AHNAK: variants seen among roughly 807,000 people sequenced by gnomAD.
The protein encoded by AHNAK is neuroblast differentiation-associated protein AHNAK.
AHNAK carries 23 observed loss-of-function variants against 37.8 expected under a neutral mutation model. The observed-to-expected ratio is 0.61, with a 90% CI of 0.44 to 0.86. The LOEUF (loss-of-function observed/expected upper bound fraction) is 0.86. Among genes scored for constraint, AHNAK ranks in the 40% least tolerant of loss-of-function variants. AHNAK has a pLI of 0.00. For synonymous variants in AHNAK, 2,481 were observed against 2,636.3 expected (o/e 0.94, Z 1.80); for missense variants, 7,411 against 7,319.4 (o/e 1.01, Z -0.46).
At chr11:62,513,665 C>T (rs1229744570), downstream of AHNAK, among the ~76,000 whole-genome samples, 1 of 152,178 alleles carries the variant, frequency 6.6e-6, no homozygotes, top group Non-Finnish European at 1.5e-5. Flanking sequence ...CCACATAAGC[C>T]CGTGTCTCCT....
At chr11:62,436,772 C>A (rs1308991903) in intron 5 of AHNAK, among the ~76,000 whole-genome samples, 1 of 151,442 alleles carries the variant, frequency 6.6e-6, no homozygotes, top group Non-Finnish European at 1.5e-5. Flanking sequence ...CAGTCTCTAC[C>A]AAAAATACAA....
At position 62,522,520 on chromosome 11, in the gene AHNAK, G is replaced by T. The variant is rs752300014; in HGVS notation, c.11897C>A (p.Pro3966His). The stretch of plus-strand genomic sequence containing the variant: ...ATCTGGAACATCAACGTCCACCTTG[G>T]GTCCTGAGACGTCAAGGTCAGCCTT... Reference protein sequence around the residue: ...LPKADLDVSGPKVDVDVPDVN... With the variant: ...LPKADLDVSGHKVDVDVPDVN... The change falls in exon 5 of 5, where the codon CCC becomes CAC. Residue 3966 changes from proline (P) to histidine (H), a missense_variant. Physicochemically the swap from Pro to His is moderately conservative, Grantham distance 77. Transcript: ENST00000378024. The T allele has an allele frequency of 4.3e-6, 7 of 1,613,576 alleles. No homozygotes were observed. Among genetic ancestry groups the T allele is most frequent in the African/African-American group, 4.0e-5 (3 of 74,712 alleles).
At chr11:62,476,716 C>A (rs889908308) in intron 5 of AHNAK, among the ~76,000 whole-genome samples, 1 of 152,072 alleles carries the variant, frequency 6.6e-6, no homozygotes, top group South Asian at 2.1e-4. Flanking sequence ...CAGATTGTGA[C>A]GTGAGACAAA....
Position 62,516,947 on chromosome 11 carries a change from T to C in AHNAK, c.17470A>G (p.Thr5824Ala). Residue 5824 changes from threonine to alanine, a missense_variant, in exon 5 of 5, where the codon ACC becomes GCC. By Grantham distance (58) the Thr-to-Ala change is moderately conservative. Coordinates refer to ENST00000378024, the MANE Select transcript of AHNAK (RefSeq NM_001620.3). ...KGKHGKLKFG[T>A]FGGLGSKSKG... ...CTCTTTGACCCCAATCCACCAAAGG[T>C]ACCGAATTTCAGCTTCCCGTGTTTC... 1.2e-6 allele frequency: 2 copies of C among 1,614,136 alleles called. No individual in the cohort carries two copies. The highest frequency in any genetic ancestry group is 1.1e-5 in the South Asian group (1 of 91,084).
chr11:62,519,516 C>T lies in AHNAK; in HGVS notation c.14901G>A (p.Gly4967=), dbSNP rs141000457. 23 of 1,612,998 alleles carry T rather than the reference C, an allele frequency of 1.4e-5. No individual in the cohort carries two copies. The African/African-American group carries it at 2.5e-4, about 18-fold the overall frequency. The change falls in exon 5 of 5, where the codon GGG becomes GGA. Residue 4967 remains glycine, a synonymous_variant. Transcript: ENST00000378024. Reference sequence around the variant, plus strand: ...TAAATTTGGGGATTTTAACATCTGGCCCTTCGATGTTAATATCTGGGCTGT... The same window carrying T: ...TAAATTTGGGGATTTTAACATCTGGTCCTTCGATGTTAATATCTGGGCTGT... ...HMDSPDINIE[G]PDVKIPKFKK...
intron 4 of AHNAK, among the ~76,000 whole-genome samples, chr11:62,495,737 CAAA>C (rs1156362722): frequency 3.0e-5 from 2 of 67,534 alleles, no homozygotes; most frequent in Non-Finnish European, 3.0e-5. Flanking sequence ...GACTCCGTCT[CAAA>C]AAAAAAAAAA....
intron 4 of AHNAK, among the ~76,000 whole-genome samples, chr11:62,497,868 G>A (rs745631514): frequency 1.3e-5 from 2 of 152,080 alleles, no homozygotes; most frequent in Non-Finnish European, 2.9e-5. Context: ...GGAGGCTGAG[G>A]CAGGAGAATC....
chr11:62,433,878 C>A (rs769746556), exon 6 of AHNAK: 6 of 1,613,734 alleles, frequency 3.7e-6, no homozygotes, highest in Non-Finnish European at 1.7e-6. Flanking sequence ...TTCTTCCTGG[C>A]CGCTTCTACA....
rs1241110947 is a variant in AHNAK at position 62,516,501 on chromosome 11, C to G, written c.*243G>C. 7.3e-7 allele frequency: 1 copy of G among 1,378,186 alleles called. No individual in the cohort carries two copies. The highest frequency in any genetic ancestry group is 9.4e-7 in the Non-Finnish European group (1 of 1,068,374). The allele number at this position is 1,378,186 out of a possible 1,614,324, so 85.4% of individuals were successfully genotyped here. A position where few individuals can be genotyped will look rare whatever the true frequency, so the allele number is the denominator to read the frequency against. The stretch of plus-strand genomic sequence containing the variant: ...GCAAAAAAATATATATATATGAAAT[C>G]TTAAGGCAAATACTGTTGACTTTGC... On this transcript the variant is annotated 3_prime_UTR_variant, in exon 5 of 5. Transcript: ENST00000378024.
intron 1 of AHNAK, among the ~76,000 whole-genome samples, chr11:62,546,426 T>C (rs1032954555): frequency 1.4e-4 from 22 of 152,240 alleles, no homozygotes; most frequent in African/African-American, 4.1e-4. Context: ...GCAAAGCACT[T>C]CGGAGCGATT....
chr11:62,529,331 T>A lies in AHNAK; in HGVS notation c.5086A>T (p.Ile1696Phe). 1 of 1,614,104 alleles carries A rather than the reference T, an allele frequency of 6.2e-7. No individual in the cohort carries two copies. The highest frequency in any genetic ancestry group is 8.5e-7 in the Non-Finnish European group (1 of 1,180,026). Reference protein sequence around the residue: ...DVDIKGPKVDIDAPDVEVHDP... With the variant: ...DVDIKGPKVDFDAPDVEVHDP... ...TGAACCTCCACATCTGGGGCATCAA[T>A]GTCCACTTTGGGCCCTTTAATGTCA... Residue 1696 changes from isoleucine (I) to phenylalanine (F), a missense_variant, in exon 5 of 5, where the codon ATT becomes TTT. Physicochemically the swap from Ile to Phe is conservative, Grantham distance 21. Transcript: ENST00000378024.
At position 62,516,769 on chromosome 11, in the gene AHNAK, A is replaced by G. The variant is rs752722730; in HGVS notation, c.17648T>C (p.Leu5883Pro). The G allele has an allele frequency of 6.2e-7, 1 of 1,612,370 alleles. No individual in the cohort carries two copies. The highest frequency in any genetic ancestry group is 8.5e-7 in the Non-Finnish European group (1 of 1,179,334). ...CTACTCTTTCTTTGTGGAAACTGAC[A>G]GCTCCACCTCGGGAAGCTGGATGCC... is the stretch of plus-strand genomic sequence containing the variant. ...KVGIQLPEVE[L>P]SVSTKKE The change falls in exon 5 of 5, where the codon CTG becomes CCG. Residue 5883 changes from leucine to proline, a missense_variant. Physicochemically the swap from Leu to Pro is moderately conservative, Grantham distance 98. Transcript: ENST00000378024.
At chr11:62,434,932 CAAAAAA>C (rs55712038) in intron 5 of AHNAK, among the ~76,000 whole-genome samples, 1 of 84,382 alleles carries the variant, frequency 1.2e-5, no homozygotes, top group Non-Finnish European at 2.2e-5. Context: ...GACCCTGTCT[CAAAAAA>C]AAAAAAAAAA....
In AHNAK at chr11:62,440,281, G is replaced by A. The variant is rs560609687; in HGVS notation, c.443-6390C>T. 2.6e-4 allele frequency among the ~76,000 whole-genome samples: 39 copies of A among 152,192 alleles called. No individual in the cohort carries two copies. The South Asian group carries it at 8.1e-3, about 32-fold the overall frequency. On this transcript the variant is annotated intron_variant, in intron 5 of 5. Coordinates refer to the AHNAK transcript ENST00000257247. ...CGATGAGGAAACGACACTGAGAGGG[G>A]GAGGGAGAGGATGTGTCAGAGCCGA...
intron 4 of AHNAK, among the ~76,000 whole-genome samples, chr11:62,503,007 C>T (rs1411828086): frequency 6.6e-6 from 1 of 152,134 alleles, no homozygotes; most frequent in Non-Finnish European, 1.5e-5. Context: ...CTGTGTGAAC[C>T]TATGTACAGT....
At chr11:62,452,391 C>A (rs1209603251) in intron 5 of AHNAK, among the ~76,000 whole-genome samples, 1 of 152,186 alleles carries the variant, frequency 6.6e-6, no homozygotes, top group East Asian at 1.9e-4. Context: ...TCAGCCTATT[C>A]CATTGCATTG....
At chr11:62,478,936 C>T (rs1216366845) in intron 5 of AHNAK, among the ~76,000 whole-genome samples, 5 of 151,786 alleles carry the variant, frequency 3.3e-5, no homozygotes, top group Non-Finnish European at 4.4e-5. Flanking sequence ...AGTACAGTGG[C>T]GCAATCTCAG....
Position 62,528,754 on chromosome 11 carries a change from C to G in AHNAK, c.5663G>C (p.Ser1888Thr), listed in dbSNP as rs368694262. The G allele has an allele frequency of 6.2e-7, 1 of 1,611,224 alleles. No homozygotes were observed. The highest frequency in any genetic ancestry group is 8.5e-7 in the Non-Finnish European group (1 of 1,179,456). ...AACATCAGGCACCTCCACACCCACA[C>G]TGGGGCCTGTTAAATCTCCCTCCAA... ...PKLEGDLTGP[S>T]VGVEVPDVEL... Residue 1888 changes from serine (S) to threonine (T), a missense_variant, in exon 5 of 5, where the codon AGT (serine) becomes ACT (threonine). Coordinates refer to ENST00000378024, the MANE Select transcript of AHNAK (RefSeq NM_001620.3).
intron 1 of AHNAK, among the ~76,000 whole-genome samples, chr11:62,543,200 T>G (rs1420206153): frequency 6.6e-6 from 1 of 152,164 alleles, no homozygotes; most frequent in Non-Finnish European, 1.5e-5. Context: ...TCCCAAAGGC[T>G]TCTGGACACA....
Sources: gnomAD v4.1 joint callset for allele counts (sites outside exome capture counted in the v4.1 genomes callset) on GRCh38, gnomAD v4.1.1 for gene constraint, MANE v1.5 for transcripts, NCBI Gene and HGNC (gene_info 2026-07-23, HGNC 2026-07-21) for gene names.